MITF: variants seen among roughly 807,000 people sequenced by gnomAD.
The protein encoded by MITF is microphthalmia-associated transcription factor.
Under a neutral mutation model 60.5 loss-of-function variants are expected in MITF, and 17 were observed. That is an observed-to-expected ratio of 0.28 (90% CI 0.19 to 0.42). The LOEUF (loss-of-function observed/expected upper bound fraction) is 0.42, where lower values mean the gene tolerates loss of function less well. MITF is among the 10% of genes least tolerant of loss of function. The pLI, the probability that MITF is intolerant of heterozygous loss-of-function variation, is 1.00. For synonymous variants in MITF, 260 were observed against 248.5 expected (o/e 1.05, Z -0.43); for missense variants, 622 against 683.5 (o/e 0.91, Z 1.00).
chr3:69,953,662 T>TATATAG (rs1250294181), intron 7 of MITF, among the ~76,000 whole-genome samples: 70 of 136,560 alleles, frequency 5.1e-4, no homozygotes, highest in Non-Finnish European at 8.3e-4. Context: ...TATATATATA[T>TATATAG]AGAGAGAGAG....
At chr3:69,862,962 T>A (rs2064042850) in intron 1 of MITF, among the ~76,000 whole-genome samples, 1 of 152,142 alleles carries the variant, frequency 6.6e-6, no homozygotes, top group Non-Finnish European at 1.5e-5. Flanking sequence ...AACTTAGGAT[T>A]TGGGTATCTC....
intron 2 of MITF, among the ~76,000 whole-genome samples, chr3:69,911,628 A>G (rs9843596): frequency 0.032 from 4,908 of 152,298 alleles, 178 homozygotes; most frequent in African/African-American, 0.085. Flanking sequence ...ATAAGAAAAC[A>G]ATGGGGTGGG....
chr3:69,772,286 C>T (rs1200375081), intron 1 of MITF, among the ~76,000 whole-genome samples: 1 of 152,098 alleles, frequency 6.6e-6, no homozygotes, highest in Non-Finnish European at 1.5e-5. Flanking sequence ...CTTTATATAT[C>T]TGTCATTAAG....
At chr3:69,842,593 G>T (rs1342676793) in intron 1 of MITF, among the ~76,000 whole-genome samples, 1 of 152,234 alleles carries the variant, frequency 6.6e-6, no homozygotes, top group East Asian at 1.9e-4. Context: ...TTTGAAGTGT[G>T]TGCTTGGTGC....
chr3:69,782,032 T>C (rs1424686591), intron 1 of MITF, among the ~76,000 whole-genome samples: 1 of 152,212 alleles, frequency 6.6e-6, no homozygotes, highest in African/African-American at 2.4e-5. Flanking sequence ...CAGAAGGTAG[T>C]TGATAGACTC....
Position 69,965,752 on chromosome 3 carries a change from C to T in MITF, c.*504C>T, listed in dbSNP as rs2066675189. On this transcript the variant is annotated 3_prime_UTR_variant, in exon 10 of 10. Transcript: ENST00000352241. ...TGGTACTGCCTTAAAGATACAGTAC[C>T]CCTCTAGCTTTGTTTAGTCTTTATA... The T allele has an allele frequency of 4.3e-6, 1 of 234,542 alleles. No individual in the cohort carries two copies. The highest frequency in any genetic ancestry group is 5.4e-5 in the Admixed American group (1 of 18,636). The allele number at this position is 234,542 out of a possible 1,614,324, so 14.5% of individuals were successfully genotyped here.
chr3:69,954,339 AT>A (rs1484985835), intron 7 of MITF, among the ~76,000 whole-genome samples: 128 of 152,370 alleles, frequency 8.4e-4, no homozygotes, highest in African/African-American at 2.8e-3. Context: ...GATCAATGGG[AT>A]ACATGAATAT....
chr3:69,874,154 T>A (rs896353577), intron 1 of MITF, among the ~76,000 whole-genome samples: 2 of 152,350 alleles, frequency 1.3e-5, no homozygotes, highest in East Asian at 3.9e-4. Flanking sequence ...CTTTGAGCTC[T>A]GTCAACCAAA....
intron 1 of MITF, among the ~76,000 whole-genome samples, chr3:69,827,870 G>T (rs1191749721): frequency 2.6e-5 from 4 of 152,078 alleles, no homozygotes; most frequent in Admixed American, 6.6e-5. Context: ...GTAAGCTTGG[G>T]CAGCAGTGAC....
At position 69,965,273 on chromosome 3, in the gene MITF, C is replaced by T; in HGVS notation, c.*25C>T. On this transcript the variant is annotated 3_prime_UTR_variant, in exon 10 of 10. Transcript: ENST00000352241. ...GCGAATCCTCCCTGCACTGCATTCG[C>T]ACAAACTGCTTCCTTTCTTGATTCG... 1 of 1,606,908 alleles carries T rather than the reference C, an allele frequency of 6.2e-7. No individual in the cohort carries two copies. The highest frequency in any genetic ancestry group is 8.5e-7 in the Non-Finnish European group (1 of 1,174,102).
rs1320616746 is a variant in MITF at position 69,879,378 on chromosome 3, C to T, written c.349C>T (p.Leu117Phe). 1 of 1,614,238 alleles carries T rather than the reference C, an allele frequency of 6.2e-7. No individual in the cohort carries two copies. The highest frequency in any genetic ancestry group is 1.1e-5 in the South Asian group (1 of 91,084). ...TGCCACGCAGGTGCCGATGGAAGTC[C>T]TTAAGGTACGTGAGTGTTGCTCTTG... ...PSATQVPMEV[L>F]KVQTHLENPT... The change falls in exon 2 of 10, where the codon CTT becomes TTT. Residue 117 changes from leucine (L) to phenylalanine (F), a missense_variant. Physicochemically the swap from Leu to Phe is conservative, Grantham distance 22. Around this residue, in one of 5 missense-constraint regions of MITF, gnomAD observed 149 missense variants for 157.8 expected, o/e 0.94. Coordinates refer to ENST00000352241, the MANE Select transcript of MITF (RefSeq NM_001354604.2).
Position 69,950,220 on chromosome 3 carries a change from A to T in MITF, c.880+1052A>T, listed in dbSNP as rs145479578. ...TGAGGCAGGCAGATTGCTTGAGCTC[A>T]GGAGTTCCAGGCTGCAATGAGCTGT... On this transcript the variant is annotated intron_variant, in intron 6 of 9. Coordinates refer to ENST00000352241, the MANE Select transcript of MITF (RefSeq NM_001354604.2). Among the ~76,000 whole-genome samples, 103 of 152,016 alleles carry T rather than the reference A, an allele frequency of 6.8e-4. No individual in the cohort carries two copies. In the East Asian group the frequency reaches 0.017, roughly 24 times the overall value.
chr3:69,801,460 C>T (rs146742419), intron 1 of MITF, among the ~76,000 whole-genome samples: 9 of 152,150 alleles, frequency 5.9e-5, no homozygotes, highest in South Asian at 2.1e-4. Context: ...CCTAGAAATG[C>T]GTAATGAATA....
intron 2 of MITF, 50 bp downstream of exon 2, chr3:69,879,433 C>T: frequency 1.9e-6 from 3 of 1,613,058 alleles, no homozygotes; most frequent in Non-Finnish European, 2.5e-6. Flanking sequence ...TTCCATTTTC[C>T]ATTTGCTAGG....
chr3:69,808,223 A>G (rs1270966243), intron 1 of MITF, among the ~76,000 whole-genome samples: 2 of 151,630 alleles, frequency 1.3e-5, no homozygotes, highest in African/African-American at 4.8e-5. Flanking sequence ...ACTTGATATA[A>G]TTGTAAAAGT....
chr3:69,758,095 T>C (rs914894765), intron 1 of MITF, among the ~76,000 whole-genome samples: 1 of 144,942 alleles, frequency 6.9e-6, no homozygotes, highest in Non-Finnish European at 1.5e-5. Context: ...TATAAATATA[T>C]ATATATATAA....
At position 69,810,396 on chromosome 3, in the gene MITF, G is replaced by A. The variant is rs966813660; in HGVS notation, c.105-68738G>A. 1.4e-4 allele frequency among the ~76,000 whole-genome samples: 21 copies of A among 152,192 alleles called. 1 individual carries two copies. The East Asian group carries it at 3.3e-3, about 24-fold the overall frequency. On this transcript the variant is annotated intron_variant, in intron 1 of 9. Coordinates refer to ENST00000352241, the MANE Select transcript of MITF (RefSeq NM_001354604.2). The stretch of plus-strand genomic sequence containing the variant: ...GATAGGTTTTTGAAGTTCAAACTGC[G>A]TTTGCTGTAAGCTGGGTTCTTGGAT...
At chr3:69,909,341 T>G (rs903030350) in intron 2 of MITF, among the ~76,000 whole-genome samples, 4 of 152,146 alleles carry the variant, frequency 2.6e-5, no homozygotes, top group African/African-American at 9.7e-5. Context: ...AACCTCTTTT[T>G]CCTCCCAGTC....
At position 69,882,721 on chromosome 3, in the gene MITF, C is replaced by G. The variant is rs533774235; in HGVS notation, c.354+3338C>G. 2.0e-5 allele frequency among the ~76,000 whole-genome samples: 3 copies of G among 152,206 alleles called. No homozygotes were observed. The South Asian group carries it at 6.2e-4, about 32-fold the overall frequency. ...GGACAGAACTGTAGGTGAGTTCAGC[C>G]TTATAGCTAAAGCATCACGGTACAA... On this transcript the variant is annotated intron_variant, in intron 2 of 9. Transcript: ENST00000352241.
Sources: allele counts gnomAD v4.1 joint callset (sites outside exome capture counted in the v4.1 genomes callset), GRCh38; gene constraint gnomAD v4.1.1; regional missense constraint gnomAD v4.1.1; transcripts MANE v1.5; gene names NCBI Gene and HGNC (gene_info 2026-07-23, HGNC 2026-07-21).